Variants in PWP1 observed in about 807,000 individuals in gnomAD.
PWP1 encodes the protein PWP1 homolog, endonuclein.
PWP1 carries 47 observed loss-of-function variants against 69.9 expected under a neutral mutation model. That is an observed-to-expected ratio of 0.67 (90% CI 0.53 to 0.86). The LOEUF is 0.86. PWP1 is among the 40% of genes least tolerant of loss of function. The pLI is 0.00. For missense variants in PWP1, 551 were observed against 608.8 expected, an observed-to-expected ratio of 0.91 and a Z score of 1.00; for synonymous variants, 222 against 208.2, an observed-to-expected ratio of 1.07 and a Z score of -0.57.
intron 6 of PWP1, 41 bp from the exon 7 acceptor site, chr12:107,697,426 C>CT: frequency 2.0e-6 from 3 of 1,529,380 alleles, no homozygotes; most frequent in African/African-American, 1.4e-5. Flanking sequence ...TTCTGTATGT[C>CT]TTTTTTTGTG....
Position 107,709,141 on chromosome 12 carries a change from G to A in PWP1, c.1199G>A (p.Cys400Tyr). ...GLDLSSQIKG[C>Y]LVTASADKYV... Reference sequence around the variant, plus strand: ...GATCTTAGCAGTCAAATCAAGGGCTGTCTCGTGACTGCTTCAGCTGACAAA... The same window carrying A: ...GATCTTAGCAGTCAAATCAAGGGCTATCTCGTGACTGCTTCAGCTGACAAA... Residue 400 changes from cysteine to tyrosine, a missense_variant, in exon 13 of 15, where the codon TGT becomes TAT. Transcript: ENST00000412830. 6.2e-7 allele frequency: 1 copy of A among 1,613,980 alleles called. No homozygotes were observed.
chr12:107,696,181 T>C (rs1389108335), intron 5 of PWP1, among the ~76,000 whole-genome samples: 1 of 151,928 alleles, frequency 6.6e-6, no homozygotes, highest in Non-Finnish European at 1.5e-5. Flanking sequence ...TACAGGCACG[T>C]ACCACCACAC....
rs779383882 is a variant in PWP1 at position 107,692,899 on chromosome 12, A to G, written c.405A>G (p.Thr135=). 8 of 1,613,078 alleles carry G rather than the reference A, an allele frequency of 5.0e-6. No homozygotes were observed. In the African/African-American group the frequency reaches 9.4e-5, roughly 19 times the overall value. The change falls in exon 4 of 15, where the codon ACA becomes ACG. Residue 135 remains threonine, a splice_region_variant and synonymous_variant. Coordinates refer to ENST00000412830, the MANE Select transcript of PWP1 (RefSeq NM_007062.3). ...ATCCTTACGTTACTCTGAAAGATAC[A>G]GTAAGTATTTACATCTTTTTTCTAA... The part of the protein sequence containing the change: ...DQDPYVTLKD[T]EQYEREDFLI...
rs557362525 is a variant in PWP1 at position 107,697,290 on chromosome 12, C to G, written c.614-177C>G. Among the ~76,000 whole-genome samples, 18 of 152,316 alleles carry G rather than the reference C, an allele frequency of 1.2e-4. No individual in the cohort carries two copies. The South Asian group carries it at 3.7e-3, about 32-fold the overall frequency. ...CCTGTGACCTAGTTAGAAATGCCCACCCAGAACCACCTGAAATACAATCTG... is the reference window on the plus strand; with the variant it reads ...CCTGTGACCTAGTTAGAAATGCCCAGCCAGAACCACCTGAAATACAATCTG... On this transcript the variant is annotated intron_variant, in intron 6 of 14. Coordinates refer to ENST00000412830, the MANE Select transcript of PWP1 (RefSeq NM_007062.3).
chr12:107,702,390 C>T (rs531046017), intron 8 of PWP1, among the ~76,000 whole-genome samples: 168 of 152,260 alleles, frequency 1.1e-3, no homozygotes, highest in Non-Finnish European at 1.5e-3. Flanking sequence ...AAGCTATTCT[C>T]GTGCCTCAGC....
rs556038027 is a variant in PWP1 at position 107,688,017 on chromosome 12, C to G, written c.73-431C>G. Among the ~76,000 whole-genome samples, 286 of 111,818 alleles carry G rather than the reference C, an allele frequency of 2.6e-3. 3 individuals are homozygous for G. Among genetic ancestry groups the G allele is most frequent in the African/African-American group, 9.4e-3 (274 of 29,144 alleles). The allele number at this position is 111,818 out of a possible 152,430, so 73.4% of individuals were successfully genotyped here. A position where few individuals can be genotyped will look rare whatever the true frequency, so the allele number is the denominator to read the frequency against. The stretch of plus-strand genomic sequence containing the variant: ...TTGCTCTTCAGCCTGGGCAACAGAG[C>G]GAGACTCCGTCTCAAAAAAAAAAAA... On this transcript the variant is annotated intron_variant, in intron 1 of 14. Transcript: ENST00000412830.
intron 11 of PWP1, among the ~76,000 whole-genome samples, chr12:107,707,612 T>C (rs1253640134): frequency 6.6e-6 from 1 of 152,246 alleles, no homozygotes; most frequent in Non-Finnish European, 1.5e-5. Flanking sequence ...TGAAGGGCTG[T>C]TGAATTTTGT....
intron 7 of PWP1, among the ~76,000 whole-genome samples, chr12:107,698,010 G>A (rs1889626288): frequency 6.6e-6 from 1 of 152,132 alleles, no homozygotes; most frequent in African/African-American, 2.4e-5. Context: ...AAATCGTTAG[G>A]TTTTATGAGG....
rs977430088 is a variant in PWP1 at position 107,709,223 on chromosome 12, C to A, written c.1281C>A (p.Asp427Glu). The A allele has an allele frequency of 1.9e-6, 3 of 1,613,242 alleles. No homozygotes were observed. The South Asian group carries it at 3.3e-5, about 18-fold the overall frequency. Reference protein sequence around the residue: ...GDRPSLVHSRDMKMGVLFCSS... With the variant: ...GDRPSLVHSREMKMGVLFCSS... Reference sequence around the variant, plus strand: ...GGCCAAGTCTAGTTCATTCTAGGGACATGAAAATGGTAAGAATCTCCCTGG... The same window carrying A: ...GGCCAAGTCTAGTTCATTCTAGGGAAATGAAAATGGTAAGAATCTCCCTGG... The change falls in exon 13 of 15, where the codon GAC (aspartate) becomes GAA (glutamate). Residue 427 changes from aspartate (D) to glutamate (E), a missense_variant. By Grantham distance (45) the Asp-to-Glu change is conservative (BLOSUM62 2). Transcript: ENST00000412830.
At chr12:107,705,407 C>T (rs1219894666) in intron 11 of PWP1, among the ~76,000 whole-genome samples, 1 of 150,492 alleles carries the variant, frequency 6.6e-6, no homozygotes, top group African/African-American at 2.5e-5. Flanking sequence ...TTCTAGGATA[C>T]ATGTGCACAA....
chr12:107,711,923 C>T (rs925018225), intron 14 of PWP1, among the ~76,000 whole-genome samples, 188 bp from the exon 15 acceptor site: 8 of 152,078 alleles, frequency 5.3e-5, no homozygotes, highest in Admixed American at 2.0e-4. Context: ...AAGTAAAGTA[C>T]AAAAATAAAT....
rs1889978628 is a variant in PWP1, at chr12:107,712,567, A to G, written c.*347A>G. 5.8e-6 allele frequency: 1 copy of G among 171,894 alleles called. No individual in the cohort carries two copies. The highest frequency in any genetic ancestry group is 1.5e-4 in the South Asian group (1 of 6,890). 10.6% of individuals were successfully genotyped at this position (171,894 alleles called of 1,614,324 possible). A position where few individuals can be genotyped will look rare whatever the true frequency, so the allele number is the denominator to read the frequency against. On this transcript the variant is annotated 3_prime_UTR_variant, in exon 15 of 15. Transcript: ENST00000412830. ...GTAAAATCCGGTAATATTAAAAGAT[A>G]GGTAAACCTAGGCCTGGAAAGGCTG... is the stretch of plus-strand genomic sequence containing the variant.
rs1391870079 is a variant in PWP1, at chr12:107,712,651, A to G, written c.*431A>G. 2.6e-5 allele frequency: 4 copies of G among 154,188 alleles called. No homozygotes were observed. The highest frequency in any genetic ancestry group is 5.8e-5 in the Non-Finnish European group (4 of 69,376). 9.6% of individuals were successfully genotyped at this position (154,188 alleles called of 1,614,324 possible). The stretch of plus-strand genomic sequence containing the variant: ...CAGAGGCAAGTGCCCCAGAGACTCC[A>G]CTTTCATTCCTAACTGTTCTCAAAT... On this transcript the variant is annotated 3_prime_UTR_variant, in exon 15 of 15. Coordinates refer to ENST00000412830, the MANE Select transcript of PWP1 (RefSeq NM_007062.3).
In PWP1 at chr12:107,708,286, C is replaced by T. The variant is rs578107117; in HGVS notation, c.1078-640C>T. ...CAAAAGAAGAGCCAAGCCTTCTCTT[C>T]CCTGGCCTAGCAGTCAGACTGCCTC... On this transcript the variant is annotated intron_variant, in intron 11 of 14. Coordinates refer to ENST00000412830, the MANE Select transcript of PWP1 (RefSeq NM_007062.3). Among the ~76,000 whole-genome samples, 3 of 152,308 alleles carry T rather than the reference C, an allele frequency of 2.0e-5. No individual in the cohort carries two copies. The South Asian group carries it at 6.2e-4, about 32-fold the overall frequency.
At chr12:107,694,852 G>A (rs1006385527) in intron 5 of PWP1, among the ~76,000 whole-genome samples, 12 of 152,008 alleles carry the variant, frequency 7.9e-5, no homozygotes, top group Non-Finnish European at 1.2e-4. Context: ...ATTTGGGTTT[G>A]GAAGGAATCT....
At chr12:107,710,257 CTACCT>C in intron 13 of PWP1, 143 bp from the exon 14 acceptor site, 1 of 1,295,832 alleles carries the variant, frequency 7.7e-7, no homozygotes, top group African/African-American at 1.5e-5. Flanking sequence ...TGACTCTGAG[CTACCT>C]TTGCAGTAGG....
chr12:107,701,597 G>C (rs1889712278), intron 8 of PWP1, among the ~76,000 whole-genome samples: 1 of 152,000 alleles, frequency 6.6e-6, no homozygotes, highest in South Asian at 2.1e-4. Context: ...GATCCATTTT[G>C]AGTTTTTTTT....
chr12:107,705,243 A>C (rs1889795251), intron 11 of PWP1, among the ~76,000 whole-genome samples: 1 of 152,164 alleles, frequency 6.6e-6, no homozygotes, highest in Non-Finnish European at 1.5e-5. Flanking sequence ...CATAGCATCC[A>C]AAGATTCCAC....
At chr12:107,711,391 T>G (rs955801280) in intron 14 of PWP1, among the ~76,000 whole-genome samples, 12 of 152,276 alleles carry the variant, frequency 7.9e-5, no homozygotes, top group Middle Eastern at 3.4e-3. Flanking sequence ...GGCCAGATTT[T>G]GGGGGGCTTG....
Sources: gnomAD v4.1 joint callset for allele counts (sites outside exome capture counted in the v4.1 genomes callset) on GRCh38, gnomAD v4.1.1 for gene constraint, MANE v1.5 for transcripts, NCBI Gene and HGNC (gene_info 2026-07-23, HGNC 2026-07-21) for gene names.